PRKAB2: variants seen among roughly 807,000 people sequenced by gnomAD.
PRKAB2 encodes the protein 5'-AMP-activated protein kinase subunit beta-2.
A neutral mutation model predicts 29.8 loss-of-function variants in PRKAB2; 18 were observed. That is an observed-to-expected ratio of 0.60 (90% confidence interval 0.42 to 0.89). The LOEUF is 0.89. PRKAB2 is among the 40% of genes least tolerant of loss of function. The pLI is 0.00. For synonymous variants in PRKAB2, 136 were observed against 125.9 expected (o/e 1.08, Z -0.54); for missense variants, 270 against 344.3 (o/e 0.78, Z 1.71).
At chr1:147,169,099 C>T (rs1160748684) in intron 2 of PRKAB2, among the ~76,000 whole-genome samples, 2 of 152,092 alleles carry the variant, frequency 1.3e-5, no homozygotes, top group East Asian at 3.8e-4. Context: ...TTGCTGACCC[C>T]TATTTTAGAC....
At chr1:147,165,011 T>C (rs1490492377) in intron 5 of PRKAB2, among the ~76,000 whole-genome samples, 2 of 152,170 alleles carry the variant, frequency 1.3e-5, no homozygotes, top group African/African-American at 4.8e-5. Flanking sequence ...AAACAACATT[T>C]TCAAAAGTTT....
Position 147,158,191 on chromosome 1 carries a change from C to T in PRKAB2, c.*1374G>A, listed in dbSNP as rs587617673. ...AAAGTGGATTGAATACTTTTCAGTC[C>T]ACAAATGGAATTCAGTGACCCCACT... On this transcript the variant is annotated 3_prime_UTR_variant, in exon 8 of 8. Coordinates refer to ENST00000254101, the MANE Select transcript of PRKAB2 (RefSeq NM_005399.5). 6.6e-6 allele frequency: 1 copy of T among 152,128 alleles called. No homozygotes were observed. Among genetic ancestry groups the T allele is most frequent in the East Asian group, 1.9e-4 (1 of 5,178 alleles). The allele number at this position is 152,128 out of a possible 1,614,324, so 9.4% of individuals were successfully genotyped here.
rs2101612645 is a variant in PRKAB2 at position 147,158,708 on chromosome 1, T to C, written c.*857A>G. 1 of 152,264 alleles carries C rather than the reference T, an allele frequency of 6.6e-6. No homozygotes were observed. The highest frequency in any genetic ancestry group is 6.5e-5 in the Admixed American group (1 of 15,286). The allele number at this position is 152,264 out of a possible 1,614,324, so 9.4% of individuals were successfully genotyped here. On this transcript the variant is annotated 3_prime_UTR_variant, in exon 8 of 8. Transcript: ENST00000254101. ...AGGGCCAGGCAAAGTGGGAAAACTT[T>C]CGGGAATTTGCCAATACAGCCTGAG...
chr1:147,167,973 C>T lies in PRKAB2; in HGVS notation c.157-40G>A, dbSNP rs369881418. 1.9e-4 allele frequency: 300 copies of T among 1,570,310 alleles called. 6 individuals are homozygous for T. The South Asian group carries it at 3.4e-3, about 18-fold the overall frequency. On this transcript the variant is annotated intron_variant, in intron 2 of 7. Coordinates refer to ENST00000254101, the MANE Select transcript of PRKAB2 (RefSeq NM_005399.5). The stretch of plus-strand genomic sequence containing the variant: ...AGGTCATCCCTAGAATAAACTGTGA[C>T]CCAAGAATTCTAAAAAGGTCACTCT...
intron 5 of PRKAB2, among the ~76,000 whole-genome samples, chr1:147,164,392 G>C (rs587745887): frequency 1.4e-4 from 22 of 152,168 alleles, no homozygotes; most frequent in Admixed American, 1.2e-3. Flanking sequence ...GCCCTGACTC[G>C]ATCATTACAC....
At chr1:147,161,565 T>TA (rs1315725057) in intron 7 of PRKAB2, 147 bp downstream of exon 7, 68 of 682,308 alleles carry the variant, frequency 1.0e-4, no homozygotes, top group East Asian at 3.8e-4. Flanking sequence ...ACCTAGTAGT[T>TA]AAAAAAAAGA....
At chr1:147,171,443 G>A (rs879961549) in intron 2 of PRKAB2, among the ~76,000 whole-genome samples, 2 of 152,208 alleles carry the variant, frequency 1.3e-5, no homozygotes, top group Non-Finnish European at 2.9e-5. Flanking sequence ...CCAAGACTAG[G>A]AGAAAGTATT....
At chr1:147,163,569 T>G (rs782439768) in intron 5 of PRKAB2, among the ~76,000 whole-genome samples, 2 of 152,152 alleles carry the variant, frequency 1.3e-5, no homozygotes, top group Non-Finnish European at 2.9e-5. Flanking sequence ...GAAAACATTA[T>G]GCTAAGTGAA....
intron 6 of PRKAB2, 36 bp downstream of exon 6, chr1:147,162,404 A>G (rs1553913184): frequency 1.9e-6 from 3 of 1,586,234 alleles, no homozygotes; most frequent in Non-Finnish European, 2.6e-6. Flanking sequence ...GGTCCTAGAC[A>G]CCCCCAGATG....
At chr1:147,160,726 G>A (rs1553912968) in intron 7 of PRKAB2, 6 of 152,156 alleles carry the variant, frequency 3.9e-5, no homozygotes. Context: ...CTGGCATAAT[G>A]ATAATATAGG....
intron 5 of PRKAB2, among the ~76,000 whole-genome samples, chr1:147,165,767 T>C (rs782683207): frequency 2.0e-5 from 3 of 152,040 alleles, no homozygotes; most frequent in Non-Finnish European, 4.4e-5. Context: ...AAATTTCAAT[T>C]ACCTACAACA....
rs181336301 is a variant in PRKAB2 at position 147,159,484 on chromosome 1, C to T, written c.*81G>A. On this transcript the variant is annotated 3_prime_UTR_variant, in exon 8 of 8. Transcript: ENST00000254101. ...TCAGCCTCAAAGCAAATCAGCCTTC[C>T]AGTCTCAGGTAAGACTGGTTCAGTC... The T allele has an allele frequency of 1.6e-6, 2 of 1,277,542 alleles. No homozygotes were observed. Among genetic ancestry groups the T allele is most frequent in the East Asian group, 2.3e-5 (1 of 42,788 alleles). The allele number at this position is 1,277,542 out of a possible 1,614,324, so 79.1% of individuals were successfully genotyped here.
In PRKAB2 at chr1:147,156,061, G is replaced by T. The variant is rs1462364947; in HGVS notation, c.*3504C>A. The T allele has an allele frequency of 2.6e-5, 4 of 152,320 alleles. No homozygotes were observed. The highest frequency in any genetic ancestry group is 9.7e-5 in the African/African-American group (4 of 41,418). 9.4% of individuals were successfully genotyped at this position (152,320 alleles called of 1,614,324 possible). A position where few individuals can be genotyped will look rare whatever the true frequency, so the allele number is the denominator to read the frequency against. On this transcript the variant is annotated 3_prime_UTR_variant, in exon 8 of 8. Transcript: ENST00000254101. ...CCCTCCCAGGTCCTGCATTCCATGG[G>T]TAACTGGAGTCAGCAGCCCCTGGTA... is the stretch of plus-strand genomic sequence containing the variant.
chr1:147,159,265 G>C lies in PRKAB2; in HGVS notation c.*300C>G, dbSNP rs1653826635. On this transcript the variant is annotated 3_prime_UTR_variant, in exon 8 of 8. Coordinates refer to ENST00000254101, the MANE Select transcript of PRKAB2 (RefSeq NM_005399.5). ...CTTCCTATATAGTTATTCCTGCAGC[G>C]CCCCCAAACAGGTCTTGGTGAAAAC... 9.0e-6 allele frequency: 3 copies of C among 334,002 alleles called. No individual in the cohort carries two copies. Among genetic ancestry groups the C allele is most frequent in the Non-Finnish European group, 1.6e-5 (3 of 183,106 alleles). The allele number at this position is 334,002 out of a possible 1,614,324, so 20.7% of individuals were successfully genotyped here. A position where few individuals can be genotyped will look rare whatever the true frequency, so the allele number is the denominator to read the frequency against.
At chr1:147,165,228 G>C (rs935783086) in intron 5 of PRKAB2, among the ~76,000 whole-genome samples, 1 of 152,112 alleles carries the variant, frequency 6.6e-6, no homozygotes, top group Non-Finnish European at 1.5e-5. Flanking sequence ...AGGTTTCACC[G>C]TGTTAGCCAG....
rs782792559 is a variant in PRKAB2 at position 147,157,007 on chromosome 1, A to G, written c.*2558T>C. On this transcript the variant is annotated 3_prime_UTR_variant, in exon 8 of 8. Transcript: ENST00000254101. ...AGTTCTTTAAAGGTCGGCCCTCCTG[A>G]AGAACTATTTTCTTATTCTGCCTAC... 4 of 152,084 alleles carry G rather than the reference A, an allele frequency of 2.6e-5. No homozygotes were observed. The highest frequency in any genetic ancestry group is 2.9e-5 in the Non-Finnish European group (2 of 68,000). The allele number at this position is 152,084 out of a possible 1,614,324, so 9.4% of individuals were successfully genotyped here. A position where few individuals can be genotyped will look rare whatever the true frequency, so the allele number is the denominator to read the frequency against.
chr1:147,164,694 T>C (rs1654148255), intron 5 of PRKAB2, among the ~76,000 whole-genome samples: 1 of 152,168 alleles, frequency 6.6e-6, no homozygotes, highest in African/African-American at 2.4e-5. Flanking sequence ...GTTACATACA[T>C]GGATAGACAG....
Position 147,167,949 on chromosome 1 carries a change from G to C in PRKAB2, c.157-16C>G, listed in dbSNP as rs781824950. 1.2e-6 allele frequency: 2 copies of C among 1,604,512 alleles called. No individual in the cohort carries two copies. Among genetic ancestry groups the C allele is most frequent in the East Asian group, 4.5e-5 (2 of 44,760 alleles). ...CCCCAGGGAGCTGTAAGAAGGAGTA[G>C]GTCATCCCTAGAATAAACTGTGACC... On this transcript the variant is annotated splice_polypyrimidine_tract_variant and intron_variant, in intron 2 of 7. Transcript: ENST00000254101.
In PRKAB2 at chr1:147,167,854, G is replaced by A; in HGVS notation, c.236C>T (p.Thr79Ile). 6.2e-7 allele frequency: 1 copy of A among 1,614,168 alleles called. No homozygotes were observed. The highest frequency in any genetic ancestry group is 8.5e-7 in the Non-Finnish European group (1 of 1,180,022). ...GCCTCCTTCAGACCAGCGGATAACA[G>A]TGGGCCGGGCCTGCTGTGTGGGCTT... is the stretch of plus-strand genomic sequence containing the variant. ...SVKPTQQARPTVIRWSEGGKE... is the reference protein window; with the variant it reads ...SVKPTQQARPIVIRWSEGGKE... Residue 79 changes from threonine (T) to isoleucine (I), a missense_variant, in exon 3 of 8, where the codon ACT (threonine) becomes ATT (isoleucine). Physicochemically the swap from Thr to Ile is moderately conservative, Grantham distance 89. This residue lies in a region of PRKAB2 where 228 missense variants were observed against 255.5 expected (regional missense o/e 0.89). Transcript: ENST00000254101.
Sources: gnomAD v4.1 joint callset for allele counts (sites outside exome capture counted in the v4.1 genomes callset) on GRCh38, gnomAD v4.1.1 for gene constraint, gnomAD v4.1.1 regional missense constraint, MANE v1.5 for transcripts, NCBI Gene and HGNC (gene_info 2026-07-23, HGNC 2026-07-21) for gene names.